The following HS6ST3 variants were observed in gnomAD, a reference collection of about 807,000 sequenced individuals.
HS6ST3 encodes heparan sulfate 6-O-sulfotransferase 3, also known as heparan-sulfate 6-O-sulfotransferase 3.
Under a neutral mutation model 36.7 loss-of-function variants are expected in HS6ST3, and 12 were observed. The observed-to-expected ratio is 0.33, with a 90% confidence interval of 0.21 to 0.53. The LOEUF is 0.53. HS6ST3 is among the 20% of genes least tolerant of loss of function. The pLI, the probability that HS6ST3 is intolerant of heterozygous loss-of-function variation, is 0.95. For missense variants in HS6ST3, 584 were observed against 640.9 expected, an observed-to-expected ratio of 0.91 and a Z score of 0.96; for synonymous variants, 240 against 257.5, an observed-to-expected ratio of 0.93 and a Z score of 0.65.
chr13:96,349,456 C>T (rs1303144125), intron 1 of HS6ST3, among the ~76,000 whole-genome samples: 5 of 152,080 alleles, frequency 3.3e-5, no homozygotes, highest in South Asian at 2.1e-4. Flanking sequence ...AAAAGTGCTG[C>T]GTCACATTTT....
At chr13:96,633,820 G>A (rs1240636268) in intron 1 of HS6ST3, among the ~76,000 whole-genome samples, 5 of 152,178 alleles carry the variant, frequency 3.3e-5, no homozygotes, top group African/African-American at 1.2e-4. Flanking sequence ...GTTAGACATG[G>A]AAGTGAGTGG....
chr13:96,230,624 G>T (rs2054503418), intron 1 of HS6ST3, among the ~76,000 whole-genome samples: 1 of 152,126 alleles, frequency 6.6e-6, no homozygotes, highest in Non-Finnish European at 1.5e-5. Flanking sequence ...ACCAATATCT[G>T]GGAGGAGCAT....
At chr13:96,483,966 A>ATGTCC (rs2138899981) in intron 1 of HS6ST3, among the ~76,000 whole-genome samples, 1 of 152,292 alleles carries the variant, frequency 6.6e-6, no homozygotes, top group East Asian at 1.9e-4. Context: ...TCACATGAGG[A>ATGTCC]TGTCCAGTTG....
chr13:96,372,217 G>A (rs1310953719), intron 1 of HS6ST3, among the ~76,000 whole-genome samples: 1 of 152,088 alleles, frequency 6.6e-6, no homozygotes, highest in Non-Finnish European at 1.5e-5. Context: ...ATCTTGATTT[G>A]AATTTCTCTG....
intron 1 of HS6ST3, among the ~76,000 whole-genome samples, chr13:96,732,175 A>C (rs907557067): frequency 6.6e-6 from 1 of 152,112 alleles, no homozygotes; most frequent in African/African-American, 2.4e-5. Flanking sequence ...ACACTTTTTC[A>C]TATACCTTTT....
chr13:96,732,267 A>G (rs895980170), intron 1 of HS6ST3, among the ~76,000 whole-genome samples: 1 of 151,930 alleles, frequency 6.6e-6, no homozygotes, highest in Non-Finnish European at 1.5e-5. Flanking sequence ...CTTGCTATTG[A>G]GTTGTTTGAG....
chr13:96,212,937 A>C (rs1389741150), intron 1 of HS6ST3, among the ~76,000 whole-genome samples: 3 of 152,216 alleles, frequency 2.0e-5, no homozygotes, highest in African/African-American at 7.2e-5. Flanking sequence ...ACCCAAAAAG[A>C]GAAGAAATTT....
intron 1 of HS6ST3, among the ~76,000 whole-genome samples, chr13:96,603,728 C>T (rs562985039): frequency 1.9e-4 from 29 of 152,244 alleles, no homozygotes; most frequent in African/African-American, 3.1e-4. Context: ...ATAATTTATA[C>T]GATCATGTTA....
intron 1 of HS6ST3, among the ~76,000 whole-genome samples, chr13:96,694,805 T>C (rs1321482545): frequency 6.6e-6 from 1 of 152,206 alleles, no homozygotes; most frequent in Non-Finnish European, 1.5e-5. Flanking sequence ...TTGAGCTTTT[T>C]TTCATATGCT....
At chr13:96,675,711 C>T (rs893563046) in intron 1 of HS6ST3, among the ~76,000 whole-genome samples, 2 of 152,146 alleles carry the variant, frequency 1.3e-5, no homozygotes, top group Non-Finnish European at 2.9e-5. Context: ...AAGTGTGAGG[C>T]AGGAAAGATT....
intron 1 of HS6ST3, among the ~76,000 whole-genome samples, chr13:96,394,436 C>T (rs1260958357): frequency 2.0e-5 from 3 of 152,168 alleles, no homozygotes; most frequent in Non-Finnish European, 2.9e-5. Context: ...TCCTCCCATC[C>T]TCACTCCTGT....
At chr13:96,706,413 T>TTATATATA (rs3052119) in intron 1 of HS6ST3, among the ~76,000 whole-genome samples, 2,918 of 120,846 alleles carry the variant, frequency 0.024, 53 homozygotes, top group East Asian at 0.051. Flanking sequence ...AGAATATATT[T>TTATATATA]TATATATATA....
intron 1 of HS6ST3, among the ~76,000 whole-genome samples, chr13:96,528,639 A>G (rs943316502): frequency 6.6e-6 from 1 of 152,226 alleles, no homozygotes; most frequent in Middle Eastern, 3.2e-3. Flanking sequence ...GTATTTTACT[A>G]TAACACTGTA....
At chr13:96,640,337 C>A (rs2056566090) in intron 1 of HS6ST3, among the ~76,000 whole-genome samples, 1 of 151,538 alleles carries the variant, frequency 6.6e-6, no homozygotes. Context: ...AGCATTTTTT[C>A]CTGTTTGTTG....
chr13:96,205,788 A>G (rs1329453267), intron 1 of HS6ST3, among the ~76,000 whole-genome samples: 1 of 152,216 alleles, frequency 6.6e-6, no homozygotes, highest in Non-Finnish European at 1.5e-5. Flanking sequence ...AACTCTCAGT[A>G]AACTAGGTAT....
intron 1 of HS6ST3, among the ~76,000 whole-genome samples, chr13:96,277,954 C>A (rs57772948): frequency 0.052 from 7,894 of 152,200 alleles, 285 homozygotes; most frequent in East Asian, 0.16. Context: ...TTTCAGCAGT[C>A]TTCAGTGCAT....
chr13:96,315,662 A>G (rs181225441), intron 1 of HS6ST3, among the ~76,000 whole-genome samples: 3 of 141,986 alleles, frequency 2.1e-5, no homozygotes, highest in Non-Finnish European at 3.0e-5. Flanking sequence ...GTTACCCAAT[A>G]TAACAAATAA....
intron 1 of HS6ST3, among the ~76,000 whole-genome samples, chr13:96,336,753 T>C (rs1018733391): frequency 1.3e-5 from 2 of 152,192 alleles, no homozygotes; most frequent in African/African-American, 4.8e-5. Context: ...CAGACTAATA[T>C]ATTGGTATGG....
At chr13:96,109,834 A>T (rs1345678469) in intron 1 of HS6ST3, among the ~76,000 whole-genome samples, 2 of 152,208 alleles carry the variant, frequency 1.3e-5, no homozygotes, top group African/African-American at 2.4e-5. Flanking sequence ...AATGTGAACC[A>T]CTATCTAAGT....
Sources: allele counts gnomAD v4.1 joint callset (sites outside exome capture counted in the v4.1 genomes callset), GRCh38; gene constraint gnomAD v4.1.1; transcripts MANE v1.5; gene names NCBI Gene and HGNC (gene_info 2026-07-23, HGNC 2026-07-21).